CLCN4: variants seen among roughly 807,000 people sequenced by gnomAD.
CLCN4 encodes H(+)/Cl(-) exchange transporter 4.
Under a neutral mutation model 41.7 loss-of-function variants are expected in CLCN4, and 1 was observed. The observed-to-expected ratio is 0.02, with a 90% CI of 0.01 to 0.11. CLCN4 has a LOEUF of 0.11. CLCN4 is among the 10% of genes least tolerant of loss of function. CLCN4 has a pLI of 1.00. For synonymous variants in CLCN4, 277 were observed against 285.8 expected, an observed-to-expected ratio of 0.97 and a Z score of 0.31; for missense variants, 287 against 661.0, an observed-to-expected ratio of 0.43 and a Z score of 6.20.
chrX:10,165,073 C>T (rs911904805), intron 2 of CLCN4, among the ~76,000 whole-genome samples: 2 of 112,914 alleles, frequency 1.8e-5, no homozygotes, highest in South Asian at 3.6e-4. Context: ...CCGCCTGTCA[C>T]GTGCGCTTCT....
chrX:10,172,244 A>G (rs1227241452), intron 2 of CLCN4, among the ~76,000 whole-genome samples: 1 of 112,276 alleles, frequency 8.9e-6, no homozygotes, highest in Non-Finnish European at 1.9e-5. Context: ...TTGCCCCGCA[A>G]GCCTTTTCCC....
intron 5 of CLCN4, among the ~76,000 whole-genome samples, chrX:10,195,635 G>A (rs1035859593): frequency 9.0e-6 from 1 of 111,586 alleles, no homozygotes; most frequent in African/African-American, 3.3e-5. Context: ...GTCTCCATTA[G>A]CAGTCACTCC....
chrX:10,215,486 G>T (rs749322702), intron 11 of CLCN4, among the ~76,000 whole-genome samples: 1 of 111,827 alleles, frequency 8.9e-6, no homozygotes, highest in South Asian at 3.7e-4. Context: ...TATAGGTCCT[G>T]TTGCTTAACG....
intron 2 of CLCN4, among the ~76,000 whole-genome samples, chrX:10,165,206 A>G (rs1341041233): frequency 8.9e-6 from 1 of 112,928 alleles, no homozygotes; most frequent in Non-Finnish European, 1.9e-5. Flanking sequence ...CTATTCCCTC[A>G]GCCCTGAGCA....
At chrX:10,188,770 G>C (rs1023992539) in intron 4 of CLCN4, among the ~76,000 whole-genome samples, 1 of 112,275 alleles carries the variant, frequency 8.9e-6, no homozygotes, top group African/African-American at 3.2e-5. Context: ...GAACACAAAT[G>C]GGGCACAGAT....
intron 5 of CLCN4, among the ~76,000 whole-genome samples, chrX:10,195,843 T>G (rs1050789069): frequency 1.8e-5 from 2 of 112,860 alleles, no homozygotes; most frequent in Admixed American, 1.9e-4. Flanking sequence ...TATGGCCGAA[T>G]AATATTCTAT....
chrX:10,200,456 T>C (rs1266575729), intron 6 of CLCN4, among the ~76,000 whole-genome samples: 1 of 112,416 alleles, frequency 8.9e-6, no homozygotes, highest in East Asian at 2.8e-4. Context: ...AATAAGGAGA[T>C]GGCCGATGGG....
At chrX:10,183,562 T>C (rs1236360965) in intron 2 of CLCN4, among the ~76,000 whole-genome samples, 1 of 112,381 alleles carries the variant, frequency 8.9e-6, no homozygotes, top group East Asian at 2.8e-4. Context: ...TTCTTATTTA[T>C]GCATATTCCA....
intron 2 of CLCN4, among the ~76,000 whole-genome samples, chrX:10,165,021 G>C (rs1202434152): frequency 8.9e-6 from 1 of 112,383 alleles, no homozygotes; most frequent in Non-Finnish European, 1.9e-5. Flanking sequence ...CCCCACACTT[G>C]TTCCCTTGTT....
chrX:10,173,648 C>T (rs946678113), intron 2 of CLCN4, among the ~76,000 whole-genome samples: 10 of 112,002 alleles, frequency 8.9e-5, no homozygotes. Context: ...TACCTCCTGG[C>T]CATTCTCCAA....
chrX:10,219,313 C>T lies in CLCN4; in HGVS notation c.1976-1348C>T, dbSNP rs144526152. ...CCTGTTAGTGGGACTTTAAGAGAATCGGCTGGTCTATGGGAATGAGCAAAT... is the reference window on the plus strand; with the variant it reads ...CCTGTTAGTGGGACTTTAAGAGAATTGGCTGGTCTATGGGAATGAGCAAAT... On this transcript the variant is annotated intron_variant, in intron 11 of 12. Coordinates refer to ENST00000380833, the MANE Select transcript of CLCN4 (RefSeq NM_001830.4). 1.7e-3 allele frequency among the ~76,000 whole-genome samples: 194 copies of T among 112,262 alleles called. 1 individual carries two copies. The highest frequency in any genetic ancestry group is 6.0e-3 in the African/African-American group (184 of 30,889).
rs780493130 is a variant in CLCN4 at position 10,212,257 on chromosome X, G to A, written c.1390-210G>A. ...AGAGGGAATCAAAGTATAAAATTGC[G>A]TCCTCTCTAAGTTGCAGTAGATATG... On this transcript the variant is annotated intron_variant, in intron 9 of 12. Transcript: ENST00000380833. Among the ~76,000 whole-genome samples, 16 of 111,812 alleles carry A rather than the reference G, an allele frequency of 1.4e-4. No homozygotes were observed. In the South Asian group the frequency reaches 1.9e-3, roughly 13 times the overall value.
chrX:10,157,012 T>G lies in CLCN4; in HGVS notation c.-363T>G. On this transcript the variant is annotated 5_prime_UTR_variant, in exon 1 of 13. Coordinates refer to ENST00000380833, the MANE Select transcript of CLCN4 (RefSeq NM_001830.4). ...TGCCTCTGGCAGGAAAATGAGCTTG[T>G]CAGTTTCTGCCTCCATTAGACCCTC... 1 of 298,028 alleles carries G rather than the reference T, an allele frequency of 3.4e-6. No homozygotes were observed. The highest frequency in any genetic ancestry group is 5.9e-6 in the Non-Finnish European group (1 of 170,395). The allele number at this position is 298,028 out of a possible 1,213,427, so 24.6% of individuals were successfully genotyped here. A position where few individuals can be genotyped will look rare whatever the true frequency, so the allele number is the denominator to read the frequency against.
intron 12 of CLCN4, among the ~76,000 whole-genome samples, chrX:10,230,871 C>CA (rs1477874608): frequency 8.9e-6 from 1 of 111,990 alleles, no homozygotes; most frequent in African/African-American, 3.2e-5. Context: ...CCATAGTTTA[C>CA]TTTAGAGTGT....
intron 2 of CLCN4, among the ~76,000 whole-genome samples, chrX:10,159,229 G>A (rs1048722987): frequency 9.8e-5 from 11 of 112,190 alleles, no homozygotes; most frequent in African/African-American, 2.9e-4. Context: ...ACATGTGAGC[G>A]TAAGAGACAG....
chrX:10,164,624 TAACCTCTTTAGCAGCA>T (rs1239063600), intron 2 of CLCN4, among the ~76,000 whole-genome samples: 2 of 111,690 alleles, frequency 1.8e-5, no homozygotes, highest in Non-Finnish European at 3.8e-5. Flanking sequence ...ACTGAGGAGC[TAACCTCTTTAGCAGCA>T]ATGTTGTCCT....
chrX:10,229,761 A>G (rs1165806392), intron 12 of CLCN4, among the ~76,000 whole-genome samples: 3 of 111,953 alleles, frequency 2.7e-5, no homozygotes, highest in South Asian at 3.7e-4. Flanking sequence ...TCCATAGTGT[A>G]TATGTGCCAC....
intron 12 of CLCN4, among the ~76,000 whole-genome samples, chrX:10,229,140 G>T (rs764151518): frequency 9.0e-6 from 1 of 111,196 alleles, no homozygotes; most frequent in South Asian, 3.8e-4. Context: ...GGCCCAGCTT[G>T]CATTTTGCTG....
intron 1 of CLCN4, among the ~76,000 whole-genome samples, chrX:10,158,062 G>C (rs950126196): frequency 5.3e-5 from 6 of 112,343 alleles, no homozygotes; most frequent in Non-Finnish European, 7.5e-5. Flanking sequence ...AGAAACTCTA[G>C]GCAAAGTATG....
Sources: allele counts gnomAD v4.1 joint callset (sites outside exome capture counted in the v4.1 genomes callset), GRCh38; gene constraint gnomAD v4.1.1; transcripts MANE v1.5; gene names NCBI Gene and HGNC (gene_info 2026-07-23, HGNC 2026-07-21).